MECR: variants seen among roughly 807,000 people sequenced by gnomAD.
MECR encodes the protein mitochondrial trans-2-enoyl-CoA reductase.
In MECR, 37 loss-of-function variants were observed where a neutral mutation model predicts 49.1. The observed-to-expected ratio is 0.75, with a 90% confidence interval of 0.58 to 0.99. The LOEUF (loss-of-function observed/expected upper bound fraction) is 0.99. Ranked by LOEUF, MECR falls within the 50% of genes least tolerant of loss-of-function variation. MECR has a pLI of 0.00. For missense variants in MECR, 470 were observed against 479.6 expected (o/e 0.98, Z 0.19); for synonymous variants, 198 against 191.1 (o/e 1.04, Z -0.30).
intron 4 of MECR, among the ~76,000 whole-genome samples, chr1:29,205,810 G>C (rs1360703222): frequency 6.6e-6 from 1 of 152,046 alleles, no homozygotes. Context: ...GGGCGACAGA[G>C]CACGACTGTC....
chr1:29,189,195 C>G (rs547231557), downstream of MECR, among the ~76,000 whole-genome samples: 1 of 144,546 alleles, frequency 6.9e-6, no homozygotes, highest in African/African-American at 2.9e-5. Context: ...CCTTGGCCCC[C>G]CAAAGTGCTG....
chr1:29,201,319 T>G lies in MECR; in HGVS notation c.756+624A>C. 1.9e-6 allele frequency: 1 copy of G among 513,440 alleles called. No homozygotes were observed. Among genetic ancestry groups the G allele is most frequent in the Admixed American group, 2.2e-5 (1 of 45,662 alleles). 31.8% of individuals were successfully genotyped at this position (513,440 alleles called of 1,614,324 possible). On this transcript the variant is annotated intron_variant, in intron 6 of 9. Transcript: ENST00000263702. This position sits in a 1 kb window ranked among gnomAD's most constrained non-coding sequence, Gnocchi z 4.3. ...AGAAGCGCATGCTCTTGAGTGTGTG[T>G]CTTTGGTTCCTCCAGATGGTTCAGT...
At chr1:29,188,036 C>A (rs1290284836), downstream of MECR, among the ~76,000 whole-genome samples, 151 of 66,294 alleles carry the variant, frequency 2.3e-3, no homozygotes, top group East Asian at 8.7e-3. Flanking sequence ...GACTCTGTCT[C>A]AAAAAAAAAA....
rs1297166086 is a variant in MECR at position 29,200,542 on chromosome 1, G to C, written c.804C>G (p.Ser268Arg). ...RLALNCVGGKSSTELLRQLAR... is the reference protein window; with the variant it reads ...RLALNCVGGKRSTELLRQLAR... ...CTAACTGCCGCAGCAGCTCTGTGGA[G>C]CTTTTCCCACCAACACAGTTGAGAG... Residue 268 changes from serine (S) to arginine (R), a missense_variant, in exon 7 of 10, where the codon AGC becomes AGG. By Grantham distance (110) the Ser-to-Arg change is moderately radical (BLOSUM62 -1). Transcript: ENST00000263702. 1.2e-6 allele frequency: 2 copies of C among 1,613,912 alleles called. No individual in the cohort carries two copies. Among genetic ancestry groups the C allele is most frequent in the Non-Finnish European group, 1.7e-6 (2 of 1,179,824 alleles).
chr1:29,224,199 A>G (rs980412112), intron 1 of MECR: 6 of 152,174 alleles, frequency 3.9e-5, no homozygotes, highest in African/African-American at 1.4e-4. Context: ...CTGTCACTCA[A>G]CTTGCTGAGG....
At chr1:29,184,570 A>G in the MECR span, among the ~76,000 whole-genome samples, 4 of 152,050 alleles carry the variant, frequency 2.6e-5, no homozygotes, top group Non-Finnish European at 5.9e-5. Context: ...CCTGGTCAAC[A>G]TGGGGAAACC....
chr1:29,209,405 G>A (rs1250661243), intron 3 of MECR, among the ~76,000 whole-genome samples: 1 of 152,180 alleles, frequency 6.6e-6, no homozygotes, highest in Non-Finnish European at 1.5e-5. Flanking sequence ...TGGGAAGCCT[G>A]TAACAAGCTT....
chr1:29,196,070 T>A (rs749701506), intron 8 of MECR, 57 bp from the exon 9 acceptor site: 1 of 1,599,544 alleles, frequency 6.3e-7, no homozygotes, highest in Non-Finnish European at 8.6e-7. Context: ...AGGTACCGCT[T>A]AAGGGTACAG....
chr1:29,211,937 G>A (rs1159358996), intron 3 of MECR, among the ~76,000 whole-genome samples: 2 of 152,216 alleles, frequency 1.3e-5, no homozygotes, highest in Non-Finnish European at 2.9e-5. Context: ...GAACTTACCT[G>A]TTTAATAGTT....
chr1:29,202,098 G>A (rs1227883489), intron 5 of MECR, 53 bp from the exon 6 acceptor site: 1 of 1,485,108 alleles, frequency 6.7e-7, no homozygotes. Context: ...TTCCACCAAA[G>A]CCCCCCAGGA....
chr1:29,204,939 A>G (rs1290056403), intron 4 of MECR, among the ~76,000 whole-genome samples: 1 of 152,264 alleles, frequency 6.6e-6, no homozygotes, highest in Non-Finnish European at 1.5e-5. Context: ...GGCCTTGGAC[A>G]GTGGCTGGGC....
intron 1 of MECR, chr1:29,221,302 T>G (rs1021922672): frequency 6.6e-6 from 1 of 151,906 alleles, no homozygotes; most frequent in African/African-American, 2.4e-5. Context: ...GAGGGAGGCT[T>G]GTGGTGCTGA....
At chr1:29,221,026 T>A (rs1326711053) in intron 1 of MECR, 1 of 519,786 alleles carries the variant, frequency 1.9e-6, no homozygotes, top group African/African-American at 2.1e-5. Flanking sequence ...TATCAGATAC[T>A]GTGCCAAGGG....
Position 29,202,836 on chromosome 1 carries a change from TGA to T in MECR, c.653+293_653+294del, listed in dbSNP as rs75095980. ...AATATCAACTGGGGTTTTGAAAACATGAGGTTATCACAAGCCAAGAGTCTCAG... is the reference window on the plus strand; with the variant it reads ...AATATCAACTGGGGTTTTGAAAACATGGTTATCACAAGCCAAGAGTCTCAG... On this transcript the variant is annotated intron_variant, in intron 5 of 9. Transcript: ENST00000263702. 2.3e-3 allele frequency among the ~76,000 whole-genome samples: 356 copies of T among 152,220 alleles called. 8 individuals are homozygous for T. In the East Asian group the frequency reaches 0.061, roughly 26 times the overall value.
chr1:29,179,763 C>T, the MECR span, among the ~76,000 whole-genome samples: 2 of 152,148 alleles, frequency 1.3e-5, no homozygotes, highest in South Asian at 2.1e-4. Flanking sequence ...GAGTTTAAAG[C>T]GAAAGCAAAC....
intron 9 of MECR, among the ~76,000 whole-genome samples, chr1:29,194,573 C>T (rs566259901): frequency 9.2e-5 from 14 of 152,184 alleles, no homozygotes; most frequent in African/African-American, 2.4e-4. Context: ...ATGCCTGGCA[C>T]GCCAAGTGAT....
At chr1:29,214,131 G>A (rs529548478) in intron 3 of MECR, among the ~76,000 whole-genome samples, 74 of 149,034 alleles carry the variant, frequency 5.0e-4, no homozygotes, top group African/African-American at 1.7e-3. Context: ...GCACAATCTC[G>A]GCTCACTGTA....
At chr1:29,229,419 G>A (rs1026184551) in intron 1 of MECR, among the ~76,000 whole-genome samples, 3 of 152,138 alleles carry the variant, frequency 2.0e-5, no homozygotes, top group Non-Finnish European at 4.4e-5. Flanking sequence ...TGGCCAGGCT[G>A]GTCTAGAACT....
At chr1:29,190,581 G>A (rs2151835016), downstream of MECR, among the ~76,000 whole-genome samples, 1 of 152,154 alleles carries the variant, frequency 6.6e-6, no homozygotes, top group East Asian at 1.9e-4. Flanking sequence ...ATCACCTGAG[G>A]TCAGGAGTTC....
Sources: gnomAD v4.1 joint callset for allele counts (sites outside exome capture counted in the v4.1 genomes callset) on GRCh38, gnomAD v4.1.1 for gene constraint, Gnocchi (gnomAD v3.1) non-coding constraint, MANE v1.5 for transcripts, NCBI Gene and HGNC (gene_info 2026-07-23, HGNC 2026-07-21) for gene names.